Variants in RIF1 observed in about 807,000 individuals in gnomAD.
RIF1 encodes replication timing regulatory factor 1.
Under a neutral mutation model 247.1 loss-of-function variants are expected in RIF1, and 45 were observed. That is an observed-to-expected ratio of 0.18 (90% CI 0.14 to 0.23). The LOEUF is 0.23. Ranked by LOEUF, RIF1 falls within the 10% of genes least tolerant of loss-of-function variation. RIF1 has a pLI of 1.00. For synonymous variants in RIF1, 1,087 were observed against 978.8 expected (o/e 1.11, Z -2.06); for missense variants, 2,967 against 2,862.5 (o/e 1.04, Z -0.83).
intron 11 of RIF1, among the ~76,000 whole-genome samples, chr2:151,502,380 C>G (rs2065309104): frequency 1.8e-5 from 2 of 112,322 alleles, no homozygotes; most frequent in South Asian, 5.4e-4. Context: ...AAATAAACAT[C>G]TAAACATAAA....
At chr2:151,503,052 C>A in exon 12 of RIF1, 1 of 591,330 alleles carries the variant, frequency 1.7e-6, no homozygotes, top group South Asian at 2.3e-5. Flanking sequence ...ATGAACTCTA[C>A]AATGCTAATT....
Position 151,458,907 on chromosome 2 carries a change from T to G in RIF1, c.2952T>G (p.Asp984Glu). The change falls in exon 25 of 36, where the codon GAT (aspartate) becomes GAG (glutamate). Residue 984 changes from aspartate to glutamate, a missense_variant. By Grantham distance (45) the Asp-to-Glu change is conservative. Transcript: ENST00000444746. ...MMEESSGPYS[D>E]GTENSQLNVK... The stretch of plus-strand genomic sequence containing the variant: ...AGGAATCCAGTGGACCATATTCTGA[T>G]GGAGTAAGTTGGGGGGTTTTATTGT... 1.9e-6 allele frequency: 3 copies of G among 1,564,730 alleles called. No homozygotes were observed. Among genetic ancestry groups the G allele is most frequent in the Non-Finnish European group, 2.6e-6 (3 of 1,140,226 alleles).
chr2:151,438,817 C>T (rs77915799), intron 14 of RIF1, 71 bp downstream of exon 14: 16 of 889,230 alleles, frequency 1.8e-5, no homozygotes, highest in Middle Eastern at 2.2e-4. Flanking sequence ...TTATAGCATC[C>T]GGTGAATTGT....
downstream of RIF1, chr2:151,485,708 A>G: frequency 1.3e-6 from 2 of 1,534,216 alleles, no homozygotes; most frequent in Non-Finnish European, 1.8e-6. Context: ...AAACCGAAAC[A>G]TTGACTGCAG....
intron 4 of RIF1, among the ~76,000 whole-genome samples, chr2:151,415,742 T>C (rs1687110102): frequency 6.6e-6 from 1 of 151,780 alleles, no homozygotes; most frequent in Admixed American, 6.6e-5. Flanking sequence ...CTGGGTGTGG[T>C]GGCGCATTCC....
chr2:151,439,886 T>C, intron 14 of RIF1, 141 bp from the exon 15 acceptor site: 1 of 506,148 alleles, frequency 2.0e-6, no homozygotes, highest in East Asian at 3.5e-5. Flanking sequence ...GGCAGGAGAA[T>C]CGCTTGAACC....
chr2:151,462,020 C>T lies in RIF1; in HGVS notation c.3228-222C>T, dbSNP rs558701506. 2.0e-3 allele frequency among the ~76,000 whole-genome samples: 305 copies of T among 152,198 alleles called. 2 individuals carry two copies. Among genetic ancestry groups the T allele is most frequent in the African/African-American group, 7.0e-3 (291 of 41,536 alleles). On this transcript the variant is annotated intron_variant, in intron 27 of 35. Coordinates refer to ENST00000444746, the MANE Select transcript of RIF1 (RefSeq NM_018151.5). ...TCCCAAGTAGCTGGGACTGCAGATG[C>T]ACGCCACCATGCCCAGCTAATTTTT...
the RIF1 span, chr2:151,518,354 C>G: frequency 1.2e-6 from 2 of 1,611,832 alleles, no homozygotes; most frequent in South Asian, 1.1e-5. Context: ...TTAGGTGAAG[C>G]TGCTCCAGAT....
Position 151,438,772 on chromosome 2 carries a change from GT to G in RIF1, c.1546+28del. ...GTAAGCACTATTACACTGATCAAAT[GT>G]TGTTTTTTGAAACAGGTGGTGATCA... On this transcript the variant is annotated intron_variant, in intron 14 of 35. Coordinates refer to ENST00000444746, the MANE Select transcript of RIF1 (RefSeq NM_018151.5). 2.7e-6 allele frequency: 4 copies of G among 1,496,992 alleles called. No individual in the cohort carries two copies. The East Asian group carries it at 9.0e-5, about 34-fold the overall frequency. 92.7% of individuals were successfully genotyped at this position (1,496,992 alleles called of 1,614,324 possible).
chr2:151,481,035 T>G lies in RIF1; in HGVS notation c.*5964T>G, dbSNP rs1021702125. The G allele has an allele frequency of 1.3e-5, 2 of 152,188 alleles. No homozygotes were observed. The highest frequency in any genetic ancestry group is 1.9e-4 in the East Asian group (1 of 5,198). 9.4% of individuals were successfully genotyped at this position (152,188 alleles called of 1,614,324 possible). On this transcript the variant is annotated 3_prime_UTR_variant, in exon 36 of 36. Coordinates refer to ENST00000444746, the MANE Select transcript of RIF1 (RefSeq NM_018151.5). Reference sequence around the variant, plus strand: ...AATTTCAGTATCCAGAAATAAAGTTTTATTGGAACAGCTGTGCTTATTGTC... The same window carrying G: ...AATTTCAGTATCCAGAAATAAAGTTGTATTGGAACAGCTGTGCTTATTGTC...
intron 22 of RIF1, 88 bp from the exon 23 acceptor site, chr2:151,456,490 T>C: frequency 1.4e-6 from 1 of 729,474 alleles, no homozygotes; most frequent in South Asian, 1.8e-5. Context: ...TATTATGTCT[T>C]TATTACCTTT....
At chr2:151,507,884 C>T in exon 14 of RIF1, 1 of 678,016 alleles carries the variant, frequency 1.5e-6, no homozygotes, top group Non-Finnish European at 2.6e-6. Flanking sequence ...TTTCCTGGGG[C>T]AGGATGGGAG....
intron 9 of RIF1, chr2:151,493,157 G>A (rs2057886690): frequency 1.8e-6 from 1 of 542,712 alleles, no homozygotes; most frequent in Admixed American, 3.3e-5. Flanking sequence ...CACAGTTAAT[G>A]TCTATTTTAG....
intron 23 of RIF1, among the ~76,000 whole-genome samples, 164 bp from the exon 24 acceptor site, chr2:151,457,597 A>G (rs1007285968): frequency 6.6e-6 from 1 of 152,238 alleles, no homozygotes; most frequent in Non-Finnish European, 1.5e-5. Flanking sequence ...TAACCAAAGC[A>G]AATTCACCTG....
chr2:151,505,949 T>C, intron 12 of RIF1: 1 of 587,254 alleles, frequency 1.7e-6, no homozygotes, highest in Non-Finnish European at 3.0e-6. Context: ...CACAAGCCTC[T>C]CTGTTTTTCA....
In RIF1 at chr2:151,505,586, T is replaced by G. The variant is rs550039083; in HGVS notation, c.*862-624T>G. ...TATACTTCACCTGCAGATTTAAAAA[T>G]GGGAAAAGAAAGGTATTATTACATG... On this transcript the variant is annotated intron_variant and NMD_transcript_variant, in intron 12 of 13. Transcript: ENST00000454583. The G allele has an allele frequency of 6.3e-7, 1 of 1,595,840 alleles. No individual in the cohort carries two copies. The highest frequency in any genetic ancestry group is 2.2e-5 in the East Asian group (1 of 44,772).
chr2:151,525,142 G>A, the RIF1 span: 1 of 1,548,684 alleles, frequency 6.5e-7, no homozygotes, highest in Non-Finnish European at 8.9e-7. Context: ...GCCCCCAAGA[G>A]TGTTGAGAGG....
intron 1 of RIF1, 161 bp from the exon 2 acceptor site, chr2:151,410,252 GT>G: frequency 1.6e-6 from 1 of 643,890 alleles, no homozygotes; most frequent in Admixed American, 2.5e-5. Flanking sequence ...GCCGGAGGAG[GT>G]TCGCGCTGGG....
rs759914465 is a variant in RIF1 at position 151,463,663 on chromosome 2, T to A, written c.4143T>A (p.Asn1381Lys). 1 of 1,613,900 alleles carries A rather than the reference T, an allele frequency of 6.2e-7. No individual in the cohort carries two copies. Among genetic ancestry groups the A allele is most frequent in the Admixed American group, 1.7e-5 (1 of 60,014 alleles). The change falls in exon 30 of 36, where the codon AAT (asparagine) becomes AAA (lysine). Residue 1381 changes from asparagine to lysine, a missense_variant. By Grantham distance (94) the Asn-to-Lys change is moderately conservative. Around this residue, in one of 7 missense-constraint regions of RIF1, gnomAD observed 2,028 missense variants for 1,825.6 expected, o/e 1.11. Transcript: ENST00000444746. ...NTVEEKNVEI[N>K]LESKENTPPV... ...TAGAGGAGAAAAATGTAGAAATTAA[T>A]TTGGAATCCAAAGAGAATACACCCC...
Sources: gnomAD v4.1 joint callset for allele counts (sites outside exome capture counted in the v4.1 genomes callset) on GRCh38, gnomAD v4.1.1 for gene constraint, gnomAD v4.1.1 regional missense constraint, MANE v1.5 for transcripts, NCBI Gene and HGNC (gene_info 2026-07-23, HGNC 2026-07-21) for gene names.